NRDE2: variants seen among roughly 807,000 people sequenced by gnomAD.
NRDE2 encodes the protein nuclear exosome regulator NRDE2.
Under a neutral mutation model 124.2 loss-of-function variants are expected in NRDE2, and 76 were observed. The ratio of observed to expected loss-of-function variants is 0.61; its 90% CI spans 0.51 to 0.74. NRDE2 has a LOEUF of 0.74. Among genes scored for constraint, NRDE2 ranks in the 30% least tolerant of loss-of-function variants. The probability of loss-of-function intolerance (pLI) is 0.00; values close to 1 mark genes in which losing one functional copy is unlikely to be tolerated. For synonymous variants in NRDE2, 489 were observed against 528.1 expected, an observed-to-expected ratio of 0.93 and a Z score of 1.01; for missense variants, 1,314 against 1,417.3, an observed-to-expected ratio of 0.93 and a Z score of 1.17.
At chr14:90,295,024 T>C (rs1194610508) in intron 8 of NRDE2, among the ~76,000 whole-genome samples, 1 of 152,110 alleles carries the variant, frequency 6.6e-6, no homozygotes, top group Admixed American at 6.5e-5. Context: ...ATCTTGATTG[T>C]GGTAGTGATT....
chr14:90,301,410 A>ATACCGTTAAAGGGAAAGAACC, intron 6 of NRDE2, 38 bp from the exon 7 acceptor site: 1 of 1,607,342 alleles, frequency 6.2e-7, no homozygotes, highest in Non-Finnish European at 8.5e-7. Context: ...AGCCTGGTTG[A>ATACCGTTAAAGGGAAAGAACC]TACCGTTAAA....
intron 4 of NRDE2, 182 bp from the exon 5 acceptor site, chr14:90,304,564 C>T: frequency 1.8e-6 from 1 of 561,832 alleles, no homozygotes; most frequent in Non-Finnish European, 3.1e-6. Context: ...TTCTTTCTGC[C>T]TGGCTTGACT....
At position 90,303,936 on chromosome 14, in the gene NRDE2, T is replaced by C. The variant is rs746978313; in HGVS notation, c.1004A>G (p.Gln335Arg). Residue 335 changes from glutamine to arginine, a missense_variant and splice_region_variant, in exon 5 of 14, where the codon CAG (glutamine) becomes CGG (arginine). Physicochemically the swap from Gln to Arg is conservative, Grantham distance 43 (BLOSUM62 1). Transcript: ENST00000354366. ...GAGAATTGGGATGGCAACACATACCTGAAAAGCAACAAATGCCATCCACAG... is the reference window on the plus strand; with the variant it reads ...GAGAATTGGGATGGCAACACATACCCGAAAAGCAACAAATGCCATCCACAG... ...TQLWMAFVAF[Q>R]DEVMKSPGLY... is the part of the protein sequence containing the mutation. 1 of 1,600,156 alleles carries C rather than the reference T, an allele frequency of 6.2e-7. No individual in the cohort carries two copies. Among genetic ancestry groups the C allele is most frequent in the South Asian group, 1.1e-5 (1 of 89,234 alleles).
intron 1 of NRDE2, among the ~76,000 whole-genome samples, chr14:90,322,338 T>A (rs755549543): frequency 6.6e-6 from 1 of 152,164 alleles, no homozygotes; most frequent in Non-Finnish European, 1.5e-5. Flanking sequence ...TCCTCCCACC[T>A]GTCACTTCCC....
At position 90,317,995 on chromosome 14, in the gene NRDE2, CAAA is replaced by C. The variant is rs1885108006; in HGVS notation, c.173+7_173+9del. The stretch of plus-strand genomic sequence containing the variant: ...CAAAAACGAAAACACATCTGTCAAA[CAAA>C]AACTACCTTGTCAGCGGTAACCCTT... On this transcript the variant is annotated splice_region_variant and intron_variant, in intron 2 of 13. Transcript: ENST00000354366. 1.2e-6 allele frequency: 2 copies of C among 1,609,862 alleles called. No homozygotes were observed. Among genetic ancestry groups the C allele is most frequent in the African/African-American group, 1.3e-5 (1 of 74,656 alleles).
Position 90,316,631 on chromosome 14 carries a change from C to G in NRDE2, c.354G>C (p.Lys118Asn). ...CTCCAACGCCTCTGGAAGGTTTGTC[C>G]TTTTCAGAATCGGTGTCTGTCTCAG... ...SRSETDTDSE[K>N]DKPSRGVGGS... Residue 118 changes from lysine to asparagine, a missense_variant, in exon 3 of 14, where the codon AAG becomes AAC. Physicochemically the swap from Lys to Asn is moderately conservative, Grantham distance 94. Transcript: ENST00000354366. 6.2e-7 allele frequency: 1 copy of G among 1,614,180 alleles called. No individual in the cohort carries two copies. Among genetic ancestry groups the G allele is most frequent in the Non-Finnish European group, 8.5e-7 (1 of 1,180,038 alleles).
At position 90,278,871 on chromosome 14, in the gene NRDE2, A is replaced by G. The variant is rs886749387; in HGVS notation, c.3369+191T>C. On this transcript the variant is annotated intron_variant, in intron 13 of 13. Transcript: ENST00000354366. ...CTTCCATGAAGCACCAGCCCCAGGT[A>G]GGGCCAGGCTCTGACTCCACAGGGG... 21 of 646,698 alleles carry G rather than the reference A, an allele frequency of 3.2e-5. No individual in the cohort carries two copies. In the Admixed American group the frequency reaches 3.3e-4, roughly 10 times the overall value. 40.1% of individuals were successfully genotyped at this position (646,698 alleles called of 1,614,324 possible). A position where few individuals can be genotyped will look rare whatever the true frequency, so the allele number is the denominator to read the frequency against.
intron 1 of NRDE2, among the ~76,000 whole-genome samples, chr14:90,328,704 T>C (rs1241180487): frequency 6.6e-6 from 1 of 152,210 alleles, no homozygotes; most frequent in East Asian, 1.9e-4. Flanking sequence ...TCTAATTAAT[T>C]GACTAGAGGT....
At chr14:90,300,821 G>C (rs57011283) in intron 7 of NRDE2, among the ~76,000 whole-genome samples, 2 of 27,192 alleles carry the variant, frequency 7.4e-5, no homozygotes, top group African/African-American at 1.9e-4. Flanking sequence ...TCCCTGACTA[G>C]GGGAGCCAAT....
In NRDE2 at chr14:90,272,246, T is replaced by G. The variant is rs1414987665; in HGVS notation, c.*6090A>C. On this transcript the variant is annotated 3_prime_UTR_variant, in exon 14 of 14. Transcript: ENST00000354366. The surrounding 1 kb of genome is among the most constrained non-coding windows in gnomAD (Gnocchi z 4.5). The stretch of plus-strand genomic sequence containing the variant: ...TTAGAATAAAAATGAGTATGTCACT[T>G]TCTGAACACACTCTTCTTTCTTACA... The G allele has an allele frequency of 1.9e-6, 3 of 1,600,260 alleles. No individual in the cohort carries two copies. The highest frequency in any genetic ancestry group is 2.3e-5 in the South Asian group (2 of 88,360).
chr14:90,294,414 A>T (rs1892354277), intron 8 of NRDE2, among the ~76,000 whole-genome samples: 1 of 152,152 alleles, frequency 6.6e-6, no homozygotes, highest in African/African-American at 2.4e-5. Context: ...CCATGTTCAT[A>T]GCAGCATTAT....
intron 6 of NRDE2, 135 bp downstream of exon 6, chr14:90,302,585 C>CT: frequency 9.6e-7 from 1 of 1,045,920 alleles, no homozygotes. Context: ...AGTCGTAATA[C>CT]TTTTTTAAAA....
chr14:90,324,555 A>T (rs1355916996), intron 1 of NRDE2, among the ~76,000 whole-genome samples: 11 of 151,834 alleles, frequency 7.2e-5, no homozygotes, highest in Admixed American at 7.2e-4. Flanking sequence ...GCACACCTGT[A>T]ATCCCAGCTA....
chr14:90,323,408 T>C (rs1035301380), intron 1 of NRDE2, among the ~76,000 whole-genome samples: 1 of 152,184 alleles, frequency 6.6e-6, no homozygotes, highest in South Asian at 2.1e-4. Context: ...AAGTTCTACA[T>C]CCATTCCCCT....
rs535195972 is a variant in NRDE2 at position 90,292,489 on chromosome 14, C to A, written c.1842+208G>T. Among the ~76,000 whole-genome samples, 41 of 152,314 alleles carry A rather than the reference C, an allele frequency of 2.7e-4. 1 individual carries two copies. Among genetic ancestry groups the A allele is most frequent in the Non-Finnish European group, 5.0e-4 (34 of 68,012 alleles). On this transcript the variant is annotated intron_variant, in intron 9 of 13. Coordinates refer to ENST00000354366, the MANE Select transcript of NRDE2 (RefSeq NM_017970.4). ...CTGGTCAAGCACCTATATGCTCCCC[C>A]ATCACCAGCAGCCAAGGAAATTCTA...
At position 90,299,812 on chromosome 14, in the gene NRDE2, A is replaced by T. The variant is rs556432265; in HGVS notation, c.1545+1427T>A. ...AAAGAAAGTTTACTTAAGAAAAAAAATTTTTTTTAAATAGTGTGATAAATG... is the reference window on the plus strand; with the variant it reads ...AAAGAAAGTTTACTTAAGAAAAAAATTTTTTTTTAAATAGTGTGATAAATG... On this transcript the variant is annotated intron_variant, in intron 7 of 13. Coordinates refer to ENST00000354366, the MANE Select transcript of NRDE2 (RefSeq NM_017970.4). Among the ~76,000 whole-genome samples the T allele has an allele frequency of 4.9e-4, 74 of 152,196 alleles. 1 individual carries two copies. The highest frequency in any genetic ancestry group is 1.5e-3 in the Admixed American group (23 of 15,280).
intron 9 of NRDE2, among the ~76,000 whole-genome samples, chr14:90,292,045 C>G (rs1255955964): frequency 6.6e-6 from 1 of 152,240 alleles, no homozygotes; most frequent in Non-Finnish European, 1.5e-5. Context: ...AGCATTTCTT[C>G]ATTTTAATTT....
chr14:90,283,296 C>G lies in NRDE2; in HGVS notation c.3297+3058G>C, dbSNP rs909857757. On this transcript the variant is annotated intron_variant, in intron 12 of 13. Transcript: ENST00000354366. ...TCTCTAAGGGGCCAGATCTTTTTTT[C>G]AAAGCCAATAAGCACTTTTTGTCTA... Among the ~76,000 whole-genome samples the G allele has an allele frequency of 2.0e-5, 3 of 152,254 alleles. No individual in the cohort carries two copies. In the East Asian group the frequency reaches 5.8e-4, roughly 29 times the overall value.
At chr14:90,305,055 T>C (rs998694562) in intron 4 of NRDE2, among the ~76,000 whole-genome samples, 7 of 152,204 alleles carry the variant, frequency 4.6e-5, no homozygotes, top group Non-Finnish European at 2.9e-5. Flanking sequence ...AAATTGTACA[T>C]TTTTCTGTAT....
Sources: gnomAD v4.1 joint callset for allele counts (sites outside exome capture counted in the v4.1 genomes callset) on GRCh38, gnomAD v4.1.1 for gene constraint, Gnocchi (gnomAD v3.1) non-coding constraint, MANE v1.5 for transcripts, NCBI Gene and HGNC (gene_info 2026-07-23, HGNC 2026-07-21) for gene names.